Variants in NFIB observed in about 807,000 individuals in gnomAD.
The protein encoded by NFIB is nuclear factor I B, also known as nuclear factor 1 B-type.
NFIB carries 11 observed loss-of-function variants against 61.5 expected under a neutral mutation model. That is an observed-to-expected ratio of 0.18 (90% confidence interval 0.11 to 0.30). NFIB has a LOEUF of 0.30. NFIB is among the 10% of genes least tolerant of loss of function. NFIB has a pLI of 1.00. For synonymous variants in NFIB, 260 were observed against 216.5 expected, an observed-to-expected ratio of 1.20 and a Z score of -1.76; for missense variants, 471 against 608.9, an observed-to-expected ratio of 0.77 and a Z score of 2.38.
In NFIB at chr9:14,150,224, C is replaced by T. The variant is rs1350179659; in HGVS notation, c.727G>A (p.Glu243Lys). Residue 243 changes from glutamate to lysine, a missense_variant, in exon 5 of 11, where the codon GAA becomes AAA. This residue lies in a region of NFIB where 372 missense variants were observed against 395.6 expected (regional missense o/e 0.94). Transcript: ENST00000380953. ...QGTGVNFPIG[E>K]IPSQPYYHDM... ...TGATAGTATGGTTGGCTTGGGATTT[C>T]TCCAATTGGGAAGTTGACTCCAGTT... The T allele has an allele frequency of 6.2e-7, 1 of 1,613,502 alleles. No individual in the cohort carries two copies. The highest frequency in any genetic ancestry group is 8.5e-7 in the Non-Finnish European group (1 of 1,179,570).
the NFIB span, among the ~76,000 whole-genome samples, chr9:14,499,876 G>T: frequency 1.3e-5 from 2 of 152,140 alleles, no homozygotes; most frequent in African/African-American, 4.8e-5. Flanking sequence ...TAGGCTGAAG[G>T]CAGTGTATTC....
intron 2 of NFIB, among the ~76,000 whole-genome samples, chr9:14,248,718 A>G (rs2055226555): frequency 6.6e-6 from 1 of 152,148 alleles, no homozygotes; most frequent in Non-Finnish European, 1.5e-5. Flanking sequence ...AGCCAAAGAG[A>G]AGAAAGCACC....
chr9:14,336,086 A>C (rs2060883205), intron 1 of NFIB, among the ~76,000 whole-genome samples: 1 of 152,224 alleles, frequency 6.6e-6, no homozygotes, highest in African/African-American at 2.4e-5. Flanking sequence ...CGTTATAAGA[A>C]GTCTTGAAAT....
intron 2 of NFIB, among the ~76,000 whole-genome samples, chr9:14,261,383 T>C (rs1164466276): frequency 6.6e-6 from 1 of 152,198 alleles, no homozygotes; most frequent in East Asian, 1.9e-4. Context: ...AGCAGTCACA[T>C]CTCAAACCTT....
At chr9:14,114,919 C>G (rs1228326342) in intron 9 of NFIB, among the ~76,000 whole-genome samples, 1 of 152,122 alleles carries the variant, frequency 6.6e-6, no homozygotes, top group African/African-American at 2.4e-5. Context: ...AAAATGAGTA[C>G]TTAGTGTTTT....
chr9:14,295,275 A>G (rs2059356657), intron 2 of NFIB, among the ~76,000 whole-genome samples: 1 of 152,234 alleles, frequency 6.6e-6, no homozygotes, highest in African/African-American at 2.4e-5. Context: ...TCATTTTTAA[A>G]TATGATACTT....
the NFIB span, among the ~76,000 whole-genome samples, chr9:14,498,148 C>G: frequency 6.6e-6 from 1 of 152,188 alleles, no homozygotes; most frequent in Non-Finnish European, 1.5e-5. Context: ...AAGAAATGAC[C>G]TTGCCCTGAA....
chr9:14,101,721 A>T (rs1471288522), intron 10 of NFIB, among the ~76,000 whole-genome samples: 1 of 152,216 alleles, frequency 6.6e-6, no homozygotes, highest in Non-Finnish European at 1.5e-5. Flanking sequence ...ACTTTGAAAT[A>T]CTTACTTTCT....
chr9:14,156,596 T>A (rs913858484), intron 3 of NFIB, among the ~76,000 whole-genome samples: 2 of 152,194 alleles, frequency 1.3e-5, no homozygotes, highest in Non-Finnish European at 2.9e-5. Flanking sequence ...GAATGCCACA[T>A]GACCCTTAAG....
the NFIB span, among the ~76,000 whole-genome samples, chr9:14,492,978 G>C: frequency 1.3e-5 from 2 of 152,200 alleles, no homozygotes; most frequent in Non-Finnish European, 2.9e-5. Flanking sequence ...TGAGGAATAA[G>C]CCTCACTGGG....
intron 2 of NFIB, among the ~76,000 whole-genome samples, chr9:14,195,468 T>A (rs1031738486): frequency 1.3e-5 from 2 of 152,220 alleles, no homozygotes; most frequent in Admixed American, 1.3e-4. Context: ...AACAGAGAAA[T>A]AATCTCAAAG....
rs985401995 is a variant in NFIB, at chr9:14,398,452, G to A, written c.108+72C>T. The A allele has an allele frequency of 3.0e-5, 34 of 1,129,940 alleles. No individual in the cohort carries two copies. In the African/African-American group the frequency reaches 5.0e-4, roughly 17 times the overall value. 70.0% of individuals were successfully genotyped at this position (1,129,940 alleles called of 1,614,324 possible). On this transcript the variant is annotated intron_variant, in intron 1 of 8. Transcript: ENST00000380934. ...AGCCATATTTTCTGAACCCCACACTGAGACACATTGTCTAAGAAGTTGGGA... is the reference window on the plus strand; with the variant it reads ...AGCCATATTTTCTGAACCCCACACTAAGACACATTGTCTAAGAAGTTGGGA...
At chr9:14,102,479 T>C (rs1429256257) in intron 10 of NFIB, 2 of 1,550,426 alleles carry the variant, frequency 1.3e-6, no homozygotes, top group Non-Finnish European at 1.7e-6. Flanking sequence ...ATGCCTGCCG[T>C]TTTGATTCAT....
intron 3 of NFIB, among the ~76,000 whole-genome samples, chr9:14,170,654 G>A (rs1263920122): frequency 6.6e-6 from 1 of 152,046 alleles, no homozygotes; most frequent in Non-Finnish European, 1.5e-5. Flanking sequence ...GAGAGGGGGA[G>A]TTACATGAGA....
chr9:14,387,705 A>C (rs756099673), intron 1 of NFIB, among the ~76,000 whole-genome samples: 1 of 152,366 alleles, frequency 6.6e-6, no homozygotes, highest in Non-Finnish European at 1.5e-5. Context: ...CAAGGTAGGC[A>C]TGGGGATTGG....
At chr9:14,217,149 G>C (rs1490336496) in intron 2 of NFIB, among the ~76,000 whole-genome samples, 1 of 152,102 alleles carries the variant, frequency 6.6e-6, no homozygotes, top group Non-Finnish European at 1.5e-5. Context: ...TGATACTTAA[G>C]AAAGAATAAC....
intron 2 of NFIB, among the ~76,000 whole-genome samples, chr9:14,230,572 T>C (rs1339956735): frequency 2.0e-5 from 3 of 152,254 alleles, no homozygotes; most frequent in East Asian, 1.9e-4. Context: ...TTCAGGCACA[T>C]AGTACGCACT....
intron 1 of NFIB, among the ~76,000 whole-genome samples, chr9:14,359,263 C>G (rs116593772): frequency 1.3e-5 from 2 of 152,170 alleles, no homozygotes; most frequent in Non-Finnish European, 2.9e-5. Flanking sequence ...GGCCTTTGCA[C>G]GTGTGACTAG....
At chr9:14,449,624 T>G in the NFIB span, among the ~76,000 whole-genome samples, 1 of 152,010 alleles carries the variant, frequency 6.6e-6, no homozygotes, top group Non-Finnish European at 1.5e-5. Flanking sequence ...AAAACAAAAG[T>G]CAAAACAGAC....
Sources: gnomAD v4.1 joint callset for allele counts (sites outside exome capture counted in the v4.1 genomes callset) on GRCh38, gnomAD v4.1.1 for gene constraint, gnomAD v4.1.1 regional missense constraint, MANE v1.5 for transcripts, NCBI Gene and HGNC (gene_info 2026-07-23, HGNC 2026-07-21) for gene names.